The following ZNF329 variants were observed in gnomAD, a reference collection of about 807,000 sequenced individuals.
ZNF329 encodes the protein zinc finger protein 329.
Under a neutral mutation model 26.6 loss-of-function variants are expected in ZNF329, and 15 were observed. The observed-to-expected ratio is 0.56, with a 90% CI of 0.38 to 0.87. ZNF329 has a LOEUF of 0.87. Ranked by LOEUF, ZNF329 falls within the 40% of genes least tolerant of loss-of-function variation. The pLI is 0.00. For missense variants in ZNF329, 651 were observed against 651.9 expected (o/e 1.00, Z 0.02); for synonymous variants, 239 against 233.5 (o/e 1.02, Z -0.21).
In ZNF329 at chr19:58,126,665, T is replaced by C. The variant is rs955000479; in HGVS notation, c.*1213A>G. On this transcript the variant is annotated 3_prime_UTR_variant, in exon 4 of 4. Coordinates refer to ENST00000598312, the MANE Select transcript of ZNF329 (RefSeq NM_024620.4). Reference sequence around the variant, plus strand: ...CTTAGCACAAGCTTGTTTCAGTCTTTTTTTTTGAAATGGAGTCTCGCTCTG... The same window carrying C: ...CTTAGCACAAGCTTGTTTCAGTCTTCTTTTTTGAAATGGAGTCTCGCTCTG... The C allele has an allele frequency of 6.6e-6, 1 of 152,174 alleles. No homozygotes were observed. The highest frequency in any genetic ancestry group is 2.4e-5 in the African/African-American group (1 of 41,440). 9.4% of individuals were successfully genotyped at this position (152,174 alleles called of 1,614,324 possible).
chr19:58,154,299 G>T (rs957522943), upstream of ZNF329, among the ~76,000 whole-genome samples: 24 of 152,246 alleles, frequency 1.6e-4, no homozygotes, highest in Non-Finnish European at 4.4e-5. Context: ...GTCAGCCACA[G>T]CTGTAACTTA....
chr19:58,152,307 A>T (rs138197686), upstream of ZNF329, among the ~76,000 whole-genome samples: 120 of 151,896 alleles, frequency 7.9e-4, no homozygotes, highest in African/African-American at 2.8e-3. Flanking sequence ...GGCTGGGGGG[A>T]TCACCTGAGG....
rs781336273 is a variant in ZNF329, at chr19:58,127,860, T to A, written c.*18A>T. On this transcript the variant is annotated 3_prime_UTR_variant, in exon 4 of 4. Transcript: ENST00000598312. ...CAGGAGTGAGAGTGAACTGGAAGACTCATGTGGCCCCCAACCATTATGTTT... is the reference window on the plus strand; with the variant it reads ...CAGGAGTGAGAGTGAACTGGAAGACACATGTGGCCCCCAACCATTATGTTT... 1.4e-5 allele frequency: 22 copies of A among 1,559,712 alleles called. No homozygotes were observed. In the South Asian group the frequency reaches 2.7e-4, roughly 19 times the overall value.
intron 1 of ZNF329, among the ~76,000 whole-genome samples, chr19:58,149,209 G>A (rs56203642): frequency 0.011 from 1,707 of 152,250 alleles, 43 homozygotes; most frequent in African/African-American, 0.038. Context: ...AAAAATGGTA[G>A]GCATGAATAA....
At position 58,129,316 on chromosome 19, in the gene ZNF329, A is replaced by G. The variant is rs1292773697; in HGVS notation, c.188T>C (p.Ile63Thr). The change falls in exon 4 of 4, where the codon ATT becomes ACT. Residue 63 changes from isoleucine (I) to threonine (T), a missense_variant. Transcript: ENST00000598312. ...TLEKPGTQEAICEYPGFGEHL... is the reference protein window; with the variant it reads ...TLEKPGTQEATCEYPGFGEHL... Reference sequence around the variant, plus strand: ...CTCCCCAAAACCAGGATATTCACAAATTGCTTCCTGAGTCCCTGGTTTCTC... The same window carrying G: ...CTCCCCAAAACCAGGATATTCACAAGTTGCTTCCTGAGTCCCTGGTTTCTC... The G allele has an allele frequency of 6.2e-7, 1 of 1,614,176 alleles. No individual in the cohort carries two copies. The highest frequency in any genetic ancestry group is 1.7e-5 in the Admixed American group (1 of 60,022).
Position 58,129,014 on chromosome 19 carries a change from G to A in ZNF329, c.490C>T (p.His164Tyr). 6.2e-7 allele frequency: 1 copy of A among 1,613,454 alleles called. No individual in the cohort carries two copies. Among genetic ancestry groups the A allele is most frequent in the Non-Finnish European group, 8.5e-7 (1 of 1,179,628 alleles). Residue 164 changes from histidine (H) to tyrosine (Y), a missense_variant, in exon 4 of 4, where the codon CAT (histidine) becomes TAT (tyrosine). Transcript: ENST00000598312. ...KSFNHFTSLG[H>Y]QKIMKRGKKS... ...TTGCCTCTTTTCATTATTTTCTGAT[G>A]ACCAAGAGAGGTAAAATGATTAAAA...
rs759428434 is a variant in ZNF329 at position 58,128,542 on chromosome 19, C to T, written c.962G>A (p.Gly321Glu). The change falls in exon 4 of 4, where the codon GGG (glycine) becomes GAG (glutamate). Residue 321 changes from glycine to glutamate, a missense_variant. Gly to Glu is a moderately conservative substitution (Grantham distance 98). Transcript: ENST00000598312. Reference sequence around the variant, plus strand: ...GTGGGAGATGTCAGTGAAGGGTTTCCCACATTCGTTACATCTATATGGTTT... The same window carrying T: ...GTGGGAGATGTCAGTGAAGGGTTTCTCACATTCGTTACATCTATATGGTTT... The part of the protein sequence containing the change: ...GEKPYRCNEC[G>E]KPFTDISHLT... 6.2e-7 allele frequency: 1 copy of T among 1,614,096 alleles called. No individual in the cohort carries two copies. Among genetic ancestry groups the T allele is most frequent in the East Asian group, 2.2e-5 (1 of 44,882 alleles).
Position 58,127,384 on chromosome 19 carries a change from C to G in ZNF329, c.*494G>C, listed in dbSNP as rs1222494909. The G allele has an allele frequency of 6.6e-6, 1 of 152,632 alleles. No homozygotes were observed. The highest frequency in any genetic ancestry group is 2.4e-5 in the African/African-American group (1 of 41,394). The allele number at this position is 152,632 out of a possible 1,614,324, so 9.5% of individuals were successfully genotyped here. A position where few individuals can be genotyped will look rare whatever the true frequency, so the allele number is the denominator to read the frequency against. On this transcript the variant is annotated 3_prime_UTR_variant, in exon 4 of 4. Coordinates refer to ENST00000598312, the MANE Select transcript of ZNF329 (RefSeq NM_024620.4). ...AGGCATGGTGGCAGGCACCTGTAAT[C>G]CTAGCTACTTTGGAGGCTGAGGCAG...
At chr19:58,155,051 G>A (rs1270992895), upstream of ZNF329, 1 of 152,354 alleles carries the variant, frequency 6.6e-6, no homozygotes, top group Non-Finnish European at 1.5e-5. Context: ...GCAGTGGTTT[G>A]GGGAGTGCAG....
chr19:58,133,573 C>CA lies in ZNF329; in HGVS notation c.-8-4063dup, dbSNP rs550883483. 1.6e-3 allele frequency among the ~76,000 whole-genome samples: 212 copies of CA among 130,762 alleles called. 1 individual carries two copies. Among genetic ancestry groups the CA allele is most frequent in the African/African-American group, 2.1e-3 (73 of 35,358 alleles). The allele number at this position is 130,762 out of a possible 152,430, so 85.8% of individuals were successfully genotyped here. A position where few individuals can be genotyped will look rare whatever the true frequency, so the allele number is the denominator to read the frequency against. ...AGCCTGGACAACAGTGAGACTGTCT[C>CA]AAAAAAAAAAAAAATTCAGAAAAGC... is the stretch of plus-strand genomic sequence containing the variant. On this transcript the variant is annotated intron_variant, in intron 3 of 3. Transcript: ENST00000598312.
At chr19:58,146,555 ACGG>A (rs1455951951) in intron 1 of ZNF329, among the ~76,000 whole-genome samples, 1,723 of 130,864 alleles carry the variant, frequency 0.013, 32 homozygotes, top group African/African-American at 0.052. Flanking sequence ...CCCTCTCCCC[ACGG>A]TCTCCCTCTC....
At chr19:58,151,738 T>C (rs1347340650), upstream of ZNF329, among the ~76,000 whole-genome samples, 2 of 152,080 alleles carry the variant, frequency 1.3e-5, no homozygotes, top group South Asian at 2.1e-4. Context: ...CTATATGTTA[T>C]ACAGAGATTG....
upstream of ZNF329, among the ~76,000 whole-genome samples, chr19:58,152,099 T>G (rs1327431511): frequency 6.6e-6 from 1 of 152,174 alleles, no homozygotes; most frequent in Non-Finnish European, 1.5e-5. Flanking sequence ...TTGGAGCAAC[T>G]TGGAAATCAA....
chr19:58,134,660 G>A (rs1229124531), intron 3 of ZNF329, among the ~76,000 whole-genome samples: 2 of 152,328 alleles, frequency 1.3e-5, no homozygotes, highest in Non-Finnish European at 2.9e-5. Context: ...AGCAGGCCGG[G>A]CGCGGTGGCT....
intron 1 of ZNF329, among the ~76,000 whole-genome samples, chr19:58,145,745 T>C (rs1322029532): frequency 2.6e-5 from 4 of 152,070 alleles, no homozygotes; most frequent in African/African-American, 9.7e-5. Flanking sequence ...GTACCATCTC[T>C]AGAATGGCTT....
chr19:58,139,383 T>C (rs575220986), intron 3 of ZNF329, among the ~76,000 whole-genome samples: 95 of 152,298 alleles, frequency 6.2e-4, no homozygotes, highest in African/African-American at 2.2e-3. Context: ...CTACAACAAA[T>C]AGACTGGGTG....
In ZNF329 at chr19:58,129,396, A is replaced by G; in HGVS notation, c.108T>C (p.Asp36=). ...REVPCLSSLG[D]GWDCENQEGH... ...CCTCCTGGTTCTCACAGTCCCAACC[A>G]TCACCTAAACTGGACAAGCAGGGAA... Residue 36 remains aspartate (D), a synonymous_variant, in exon 4 of 4, where the codon GAT becomes GAC. Transcript: ENST00000598312. 6.2e-7 allele frequency: 1 copy of G among 1,614,212 alleles called. No individual in the cohort carries two copies. The highest frequency in any genetic ancestry group is 8.5e-7 in the Non-Finnish European group (1 of 1,180,038).
At chr19:58,145,344 C>T (rs1209460574) in intron 1 of ZNF329, among the ~76,000 whole-genome samples, 3 of 116,262 alleles carry the variant, frequency 2.6e-5, no homozygotes, top group Non-Finnish European at 5.0e-5. Flanking sequence ...TTTTTGGAGA[C>T]AGTGCCTCAC....
At chr19:58,136,848 A>G (rs2075081214) in intron 3 of ZNF329, 1 of 159,406 alleles carries the variant, frequency 6.3e-6, no homozygotes, top group Admixed American at 6.4e-5. Context: ...ATGAATGGCA[A>G]TAACACATTC....
Sources: allele counts gnomAD v4.1 joint callset (sites outside exome capture counted in the v4.1 genomes callset), GRCh38; gene constraint gnomAD v4.1.1; transcripts MANE v1.5; gene names NCBI Gene and HGNC (gene_info 2026-07-23, HGNC 2026-07-21).